SHROOM2: variants seen among roughly 807,000 people sequenced by gnomAD.
SHROOM2 encodes the protein shroom family member 2.
SHROOM2 carries 33 observed loss-of-function variants against 75.9 expected under a neutral mutation model. That is an observed-to-expected ratio of 0.43 (90% confidence interval 0.33 to 0.58). The LOEUF is 0.58. Ranked by LOEUF, SHROOM2 falls within the 20% of genes least tolerant of loss-of-function variation. SHROOM2 has a pLI of 0.04. For synonymous variants in SHROOM2, 655 were observed against 663.6 expected (o/e 0.99, Z 0.20); for missense variants, 1,434 against 1,461.2 (o/e 0.98, Z 0.30).
intron 1 of SHROOM2, among the ~76,000 whole-genome samples, chrX:9,792,099 T>C (rs766230818): frequency 6.2e-5 from 1 of 16,244 alleles, no homozygotes; most frequent in Non-Finnish European, 1.4e-4. Flanking sequence ...TAGAATAGAA[T>C]AGAATAGAAT....
At position 9,919,324 on chromosome X, in the gene SHROOM2, C is replaced by CTTTTTT. The variant is rs55905923; in HGVS notation, c.2892-12830_2892-12825dup. ...AGGAAATGTTTCATGGAGGAGGTTG[C>CTTTTTT]TTTTTTTTTTTTTTTTTTTTTTTTT... On this transcript the variant is annotated intron_variant, in intron 5 of 9. Coordinates refer to ENST00000380913, the MANE Select transcript of SHROOM2 (RefSeq NM_001649.4). 1.5e-3 allele frequency among the ~76,000 whole-genome samples: 48 copies of CTTTTTT among 32,456 alleles called. 15 individuals carry two copies. Among genetic ancestry groups the CTTTTTT allele is most frequent in the African/African-American group, 6.4e-3 (48 of 7,465 alleles). 28.2% of individuals were successfully genotyped at this position (32,456 alleles called of 115,157 possible). A position where few individuals can be genotyped will look rare whatever the true frequency, so the allele number is the denominator to read the frequency against.
At position 9,829,358 on chromosome X, in the gene SHROOM2, G is replaced by A. The variant is rs140029431; in HGVS notation, c.165+42648G>A. Among the ~76,000 whole-genome samples the A allele has an allele frequency of 4.1e-3, 455 of 112,285 alleles. 2 individuals carry two copies. The highest frequency in any genetic ancestry group is 0.014 in the African/African-American group (434 of 30,941). On this transcript the variant is annotated intron_variant, in intron 1 of 9. Transcript: ENST00000380913. ...GAGTAGCTGTCGCCAGTCTACACAT[G>A]CCAGCTGTTACCAGCAGCACTAGTC...
At chrX:9,805,922 AAAAC>A (rs1185872946) in intron 1 of SHROOM2, among the ~76,000 whole-genome samples, 5 of 108,785 alleles carry the variant, frequency 4.6e-5, no homozygotes, top group Middle Eastern at 4.8e-3. Context: ...AAAAAAAACA[AAAAC>A]AAGAGGTGGG....
At chrX:9,893,533 G>A (rs952643252) in intron 3 of SHROOM2, among the ~76,000 whole-genome samples, 20 of 111,990 alleles carry the variant, frequency 1.8e-4, no homozygotes, top group Non-Finnish European at 3.8e-4. Flanking sequence ...CAGACACTAC[G>A]CAGACACATG....
At chrX:9,946,493 A>G (rs1343113395) in intron 9 of SHROOM2, among the ~76,000 whole-genome samples, 178 bp from the exon 10 acceptor site, 1 of 112,279 alleles carries the variant, frequency 8.9e-6, no homozygotes, top group Non-Finnish European at 1.9e-5. Flanking sequence ...CATGAGACAC[A>G]TGCCCCCAGG....
intron 1 of SHROOM2, among the ~76,000 whole-genome samples, chrX:9,848,520 A>AAAAAAAAG (rs1304508219): frequency 9.9e-6 from 1 of 100,826 alleles, no homozygotes; most frequent in African/African-American, 3.5e-5. Context: ...CAAAAAAAAA[A>AAAAAAAAG]AAAAAAAAAA....
At chrX:9,880,510 T>C (rs1282669356) in intron 2 of SHROOM2, among the ~76,000 whole-genome samples, 1 of 112,763 alleles carries the variant, frequency 8.9e-6, no homozygotes, top group Non-Finnish European at 1.9e-5. Flanking sequence ...GGAGAGGTGA[T>C]ATTGGCAGAG....
Position 9,896,114 on chromosome X carries a change from C to T in SHROOM2, c.2206C>T (p.Pro736Ser). ...HFWEAGLAQP[P>S]SSTSGGPHPP... ...CTGGGAGGCAGGCCTGGCCCAGCCA[C>T]CCTCATCTACAAGTGGCGGGCCCCA... The change falls in exon 4 of 10, where the codon CCC (proline) becomes TCC (serine). Residue 736 changes from proline (P) to serine (S), a missense_variant. Around this residue, in one of 3 missense-constraint regions of SHROOM2, gnomAD observed 1,340 missense variants for 1,338.3 expected, o/e 1.00. Transcript: ENST00000380913. 1.7e-6 allele frequency: 2 copies of T among 1,210,030 alleles called. No homozygotes were observed. The highest frequency in any genetic ancestry group is 2.2e-6 in the Non-Finnish European group (2 of 894,915).
At chrX:9,939,744 G>A (rs2084752597) in intron 8 of SHROOM2, among the ~76,000 whole-genome samples, 1 of 110,984 alleles carries the variant, frequency 9.0e-6, no homozygotes, top group Non-Finnish European at 1.9e-5. Context: ...GGCCTCAAGC[G>A]ATCCCCCTGC....
At chrX:9,857,843 T>C (rs1402579871) in intron 1 of SHROOM2, among the ~76,000 whole-genome samples, 5 of 110,860 alleles carry the variant, frequency 4.5e-5, no homozygotes, top group Non-Finnish European at 9.5e-5. Flanking sequence ...GAGCAGTCAC[T>C]ACCCCCGACA....
intron 5 of SHROOM2, among the ~76,000 whole-genome samples, chrX:9,928,232 G>T (rs753288329): frequency 8.9e-6 from 1 of 112,443 alleles, no homozygotes; most frequent in East Asian, 2.8e-4. Flanking sequence ...CTTGGAGCCT[G>T]CCGGCCCTCT....
At chrX:9,799,339 T>C (rs1453429880) in intron 1 of SHROOM2, among the ~76,000 whole-genome samples, 2 of 108,936 alleles carry the variant, frequency 1.8e-5, no homozygotes, top group Admixed American at 9.9e-5. Flanking sequence ...CTAATTTTTG[T>C]ATTTTTAGTG....
intron 5 of SHROOM2, among the ~76,000 whole-genome samples, chrX:9,916,334 G>A (rs1024062460): frequency 8.9e-6 from 1 of 112,348 alleles, no homozygotes; most frequent in Admixed American, 9.5e-5. Context: ...TATGGTGCAT[G>A]ACATTCTAAA....
intron 1 of SHROOM2, among the ~76,000 whole-genome samples, chrX:9,794,746 T>C (rs1455081848): frequency 4.5e-5 from 5 of 112,295 alleles, no homozygotes; most frequent in Non-Finnish European, 9.4e-5. Flanking sequence ...CCAGCCAGTG[T>C]ACCCACAACA....
At chrX:9,854,860 G>A (rs2084058711) in intron 1 of SHROOM2, among the ~76,000 whole-genome samples, 2 of 110,538 alleles carry the variant, frequency 1.8e-5, no homozygotes, top group South Asian at 7.6e-4. Flanking sequence ...ACTCCTCCTC[G>A]GTGATTTTAT....
chrX:9,834,217 C>T (rs1018325677), intron 1 of SHROOM2, among the ~76,000 whole-genome samples: 12 of 111,944 alleles, frequency 1.1e-4, no homozygotes, highest in Non-Finnish European at 2.1e-4. Context: ...CTGGACCTGT[C>T]ACCCTATCCC....
At chrX:9,939,063 G>T in intron 7 of SHROOM2, 132 bp from the exon 8 acceptor site, 1 of 472,823 alleles carries the variant, frequency 2.1e-6, no homozygotes, top group Non-Finnish European at 3.4e-6. Flanking sequence ...TTCCCCCTTT[G>T]GCTGTCTCAT....
chrX:9,941,767 C>G (rs777759572), intron 8 of SHROOM2, among the ~76,000 whole-genome samples: 24 of 109,022 alleles, frequency 2.2e-4, no homozygotes, highest in African/African-American at 4.0e-4. Flanking sequence ...GTCAGCAGAT[C>G]GAGGCCATCC....
At chrX:9,888,592 C>T (rs1042146475) in intron 2 of SHROOM2, among the ~76,000 whole-genome samples, 4 of 111,001 alleles carry the variant, frequency 3.6e-5, no homozygotes, top group African/African-American at 1.3e-4. Context: ...CACAGATGCG[C>T]GCCACCACGC....
Sources: gnomAD v4.1 joint callset for allele counts (sites outside exome capture counted in the v4.1 genomes callset) on GRCh38, gnomAD v4.1.1 for gene constraint, gnomAD v4.1.1 regional missense constraint, MANE v1.5 for transcripts, NCBI Gene and HGNC (gene_info 2026-07-23, HGNC 2026-07-21) for gene names.